Variants in CMIP observed in about 807,000 individuals in gnomAD.
CMIP encodes c-Maf inducing protein, also known as C-Maf-inducing protein.
In CMIP, 13 loss-of-function variants were observed where a neutral mutation model predicts 97.3. The ratio of observed to expected loss-of-function variants is 0.13; its 90% CI spans 0.09 to 0.21. The LOEUF is 0.21. Among genes scored for constraint, CMIP ranks in the 10% least tolerant of loss-of-function variants. CMIP has a pLI of 1.00. For synonymous variants in CMIP, 538 were observed against 436.3 expected, an observed-to-expected ratio of 1.23 and a Z score of -2.91; for missense variants, 847 against 1,024.9, an observed-to-expected ratio of 0.83 and a Z score of 2.37.
chr16:81,684,782 C>A, intron 10 of CMIP, among the ~76,000 whole-genome samples: 1 of 152,214 alleles, frequency 6.6e-6, no homozygotes, highest in Admixed American at 6.5e-5. Flanking sequence ...CCTGCTTGTC[C>A]GTCCCCTCCG....
chr16:81,705,701 A>G, intron 19 of CMIP, 97 bp downstream of exon 19: 1 of 721,834 alleles, frequency 1.4e-6, no homozygotes. Flanking sequence ...TGCACCATGC[A>G]CAGATAGAGA....
At chr16:81,531,014 T>G (rs1037581578) in intron 1 of CMIP, among the ~76,000 whole-genome samples, 7 of 152,236 alleles carry the variant, frequency 4.6e-5, no homozygotes, top group African/African-American at 1.4e-4. Flanking sequence ...TGGGTTGAAC[T>G]GTAGCCTTCA....
chr16:81,563,015 T>C (rs968131154), intron 1 of CMIP, among the ~76,000 whole-genome samples: 4 of 152,168 alleles, frequency 2.6e-5, no homozygotes, highest in Non-Finnish European at 5.9e-5. Context: ...GACCTCATCA[T>C]GGTGTGGGGT....
intron 1 of CMIP, among the ~76,000 whole-genome samples, chr16:81,506,353 G>T (rs1268312177): frequency 1.3e-5 from 2 of 152,122 alleles, no homozygotes; most frequent in African/African-American, 4.8e-5. Context: ...CCTTCACAAA[G>T]CCCTGCTGAG....
At chr16:81,486,951 C>T (rs1052231803) in intron 1 of CMIP, among the ~76,000 whole-genome samples, 7 of 152,256 alleles carry the variant, frequency 4.6e-5, no homozygotes, top group Admixed American at 1.3e-4. Context: ...CAAAGGCGCA[C>T]GGCAGGCGAT....
chr16:81,572,954 GCAAGTTTCAC>G (rs1312318288), intron 1 of CMIP, among the ~76,000 whole-genome samples: 1 of 152,174 alleles, frequency 6.6e-6, no homozygotes, highest in Non-Finnish European at 1.5e-5. Context: ...TCAAATATCA[GCAAGTTTCAC>G]ACTGAGAGAG....
chr16:81,588,457 CAT>C (rs2091417281), intron 1 of CMIP, among the ~76,000 whole-genome samples: 1 of 152,076 alleles, frequency 6.6e-6, no homozygotes, highest in African/African-American at 2.4e-5. Flanking sequence ...TGCCACCGTC[CAT>C]TGACCTCGTT....
At chr16:81,699,637 T>A (rs758912731) in intron 14 of CMIP, 48 bp from the exon 15 acceptor site, 1 of 1,255,176 alleles carries the variant, frequency 8.0e-7, no homozygotes, top group Non-Finnish European at 1.2e-6. Context: ...CGCTGGAGGC[T>A]GGCACTGGGT....
chr16:81,593,879 G>C (rs935298171), intron 1 of CMIP, among the ~76,000 whole-genome samples: 5 of 152,076 alleles, frequency 3.3e-5, no homozygotes, highest in African/African-American at 1.2e-4. Flanking sequence ...GGCCCATTCA[G>C]GTGCTCTCTG....
chr16:81,685,787 C>G (rs1905319640), intron 10 of CMIP, among the ~76,000 whole-genome samples: 1 of 151,178 alleles, frequency 6.6e-6, no homozygotes, highest in South Asian at 2.1e-4. Flanking sequence ...CAGTCTCGAA[C>G]TCCTGGCCTC....
intron 1 of CMIP, among the ~76,000 whole-genome samples, chr16:81,534,620 T>A (rs940074305): frequency 2.7e-5 from 4 of 149,576 alleles, no homozygotes; most frequent in Non-Finnish European, 5.9e-5. Flanking sequence ...TTCCAAATTT[T>A]AAGATTGAGC....
intron 1 of CMIP, among the ~76,000 whole-genome samples, chr16:81,598,074 G>A (rs1387494105): frequency 1.3e-5 from 2 of 152,150 alleles, no homozygotes; most frequent in African/African-American, 4.8e-5. Context: ...CCTCATCTGT[G>A]TGGTTTTTAA....
At chr16:81,513,540 A>G (rs896668504) in intron 1 of CMIP, among the ~76,000 whole-genome samples, 11 of 152,106 alleles carry the variant, frequency 7.2e-5, no homozygotes, top group African/African-American at 2.7e-4. Context: ...TGTCGGGGAC[A>G]CCTTCCTGGG....
intron 1 of CMIP, among the ~76,000 whole-genome samples, chr16:81,572,132 T>A (rs2091103081): frequency 6.6e-6 from 1 of 152,220 alleles, no homozygotes; most frequent in South Asian, 2.1e-4. Context: ...CTCTTTTGCA[T>A]GTTCTTCCCA....
chr16:81,544,925 A>G (rs75032469), intron 1 of CMIP, among the ~76,000 whole-genome samples: 4,383 of 151,990 alleles, frequency 0.029, 79 homozygotes, highest in Non-Finnish European at 0.041. Context: ...ACAAAGTTCA[A>G]CCCCTCATTT....
intron 1 of CMIP, among the ~76,000 whole-genome samples, chr16:81,574,228 T>C (rs4483835): frequency 0.41 from 63,085 of 152,116 alleles, 15,426 homozygotes; most frequent in Non-Finnish European, 0.55. Flanking sequence ...CCACCTGCCC[T>C]ACTTCCCTCA....
chr16:81,622,270 G>A (rs922695057), intron 3 of CMIP: 2 of 152,190 alleles, frequency 1.3e-5, no homozygotes. Context: ...TCTGAATGTA[G>A]TAGAGTGGGA....
chr16:81,677,252 C>A (rs976313297), intron 9 of CMIP, among the ~76,000 whole-genome samples: 3 of 152,118 alleles, frequency 2.0e-5, no homozygotes. Flanking sequence ...TTAGGAGGAT[C>A]CTGGGCTTTG....
rs1453914307 is a variant in CMIP, at chr16:81,627,824, A to T, written c.477+6898A>T. Among the ~76,000 whole-genome samples the T allele has an allele frequency of 2.0e-5, 3 of 152,276 alleles. No individual in the cohort carries two copies. The highest frequency in any genetic ancestry group is 4.1e-4 in the South Asian group (2 of 4,822). On this transcript the variant is annotated intron_variant, in intron 3 of 20. Transcript: ENST00000537098. The surrounding 1 kb of genome is among the most constrained non-coding windows in gnomAD (Gnocchi z 4.6). The stretch of plus-strand genomic sequence containing the variant: ...GAGTGGCTGCGGCGCCTCGGGAATG[A>T]GTCTGTTCCATGTTCTGTGTTGGGA...
Sources: allele counts gnomAD v4.1 joint callset (sites outside exome capture counted in the v4.1 genomes callset), GRCh38; gene constraint gnomAD v4.1.1; non-coding constraint Gnocchi (gnomAD v3.1); transcripts MANE v1.5; gene names NCBI Gene and HGNC (gene_info 2026-07-23, HGNC 2026-07-21).